RNF115: variants seen among roughly 807,000 people sequenced by gnomAD.
The protein encoded by RNF115 is ring finger protein 115, also known as E3 ubiquitin-protein ligase RNF115.
In RNF115, 31 loss-of-function variants were observed where a neutral mutation model predicts 39.2. That is an observed-to-expected ratio of 0.79 (90% CI 0.59 to 1.07). The LOEUF (loss-of-function observed/expected upper bound fraction) is 1.07, where lower values mean the gene tolerates loss of function less well. Ranked by LOEUF, RNF115 falls within the 50% of genes least tolerant of loss-of-function variation. The probability of loss-of-function intolerance (pLI) is 0.00; values close to 1 mark genes in which losing one functional copy is unlikely to be tolerated. For missense variants in RNF115, 384 were observed against 381.7 expected (o/e 1.01, Z -0.05); for synonymous variants, 124 against 131.0 (o/e 0.95, Z 0.37).
chr1:145,800,965 T>C (rs587775395), intron 1 of RNF115, among the ~76,000 whole-genome samples: 3 of 152,070 alleles, frequency 2.0e-5, no homozygotes, highest in South Asian at 2.1e-4. Context: ...AGTCAGGAGA[T>C]CGAGACCATC....
intron 4 of RNF115, among the ~76,000 whole-genome samples, chr1:145,770,598 G>A (rs587605001): frequency 2.6e-5 from 4 of 152,046 alleles, no homozygotes; most frequent in East Asian, 1.9e-4. Context: ...AGACAATGTC[G>A]CACTAGATTC....
chr1:145,769,596 T>C (rs1647542389), intron 4 of RNF115, among the ~76,000 whole-genome samples: 1 of 152,096 alleles, frequency 6.6e-6, no homozygotes, highest in Admixed American at 6.5e-5. Context: ...TACAGGTAAC[T>C]TGCATTAAAC....
intron 2 of RNF115, among the ~76,000 whole-genome samples, chr1:145,786,498 G>A (rs1166209667): frequency 2.0e-5 from 3 of 152,064 alleles, no homozygotes; most frequent in Admixed American, 2.0e-4. Context: ...GCTACCAATA[G>A]CACCTATATA....
rs1373525392 is a variant in RNF115, at chr1:145,744,829, G to A, written c.*2037C>T. On this transcript the variant is annotated 3_prime_UTR_variant, in exon 9 of 9. Coordinates refer to ENST00000582693, the MANE Select transcript of RNF115 (RefSeq NM_014455.4). ...CCCCATCATTTCCTTTTGAGACCTT[G>A]AAGTTTCAACAACATTCTTGACCTT... 3 of 152,048 alleles carry A rather than the reference G, an allele frequency of 2.0e-5. No homozygotes were observed. Among genetic ancestry groups the A allele is most frequent in the Non-Finnish European group, 4.4e-5 (3 of 68,018 alleles). The allele number at this position is 152,048 out of a possible 1,614,324, so 9.4% of individuals were successfully genotyped here.
chr1:145,785,089 A>G (rs1648320084), intron 2 of RNF115, among the ~76,000 whole-genome samples: 1 of 152,058 alleles, frequency 6.6e-6, no homozygotes, highest in African/African-American at 2.4e-5. Flanking sequence ...TTCTCCCCCT[A>G]CCCACCTTTC....
intron 4 of RNF115, among the ~76,000 whole-genome samples, chr1:145,765,551 A>G (rs1231016690): frequency 1.3e-5 from 2 of 152,226 alleles, no homozygotes; most frequent in Non-Finnish European, 2.9e-5. Flanking sequence ...CTAAACAACC[A>G]TCTGATTGCT....
At chr1:145,769,653 A>G (rs1346041413) in intron 4 of RNF115, among the ~76,000 whole-genome samples, 2 of 152,058 alleles carry the variant, frequency 1.3e-5, no homozygotes, top group African/African-American at 2.4e-5. Flanking sequence ...ATTTCCAAGC[A>G]TAAGAATACA....
rs35347418 is a variant in RNF115, at chr1:145,739,579, ATTTTT to A, written c.*7282_*7286del. On this transcript the variant is annotated 3_prime_UTR_variant, in exon 9 of 9. Transcript: ENST00000582693. Reference sequence around the variant, plus strand: ...CAGCTATTTGTCATTGGGCAAATGAATTTTTTTTTTTTTTTTTTGAGACGGAGTCT... The same window carrying A: ...CAGCTATTTGTCATTGGGCAAATGAATTTTTTTTTTTTTGAGACGGAGTCT... 2 of 137,466 alleles carry A rather than the reference ATTTTT, an allele frequency of 1.5e-5. No individual in the cohort carries two copies. Among genetic ancestry groups the A allele is most frequent in the Non-Finnish European group, 1.6e-5 (1 of 64,426 alleles). The allele number at this position is 137,466 out of a possible 1,614,324, so 8.5% of individuals were successfully genotyped here. A position where few individuals can be genotyped will look rare whatever the true frequency, so the allele number is the denominator to read the frequency against.
intron 3 of RNF115, among the ~76,000 whole-genome samples, chr1:145,779,723 C>T (rs996100092): frequency 2.0e-5 from 3 of 151,932 alleles, no homozygotes; most frequent in Admixed American, 2.0e-4. Flanking sequence ...AGTGCAGTGG[C>T]ACAATCTCAG....
intron 1 of RNF115, among the ~76,000 whole-genome samples, chr1:145,812,338 C>T (rs1203502639): frequency 1.3e-5 from 2 of 149,822 alleles, no homozygotes; most frequent in Admixed American, 6.6e-5. Flanking sequence ...ATTAATCTGT[C>T]TTAACAGATT....
chr1:145,767,110 G>C (rs1338160402), intron 4 of RNF115, among the ~76,000 whole-genome samples: 14 of 151,118 alleles, frequency 9.3e-5, no homozygotes, highest in African/African-American at 3.2e-4. Context: ...CGGCTGGCCC[G>C]GCAGAGGGGC....
At chr1:145,764,512 C>T (rs1658671287) in intron 4 of RNF115, among the ~76,000 whole-genome samples, 1 of 148,004 alleles carries the variant, frequency 6.8e-6, no homozygotes, top group African/African-American at 2.5e-5. Flanking sequence ...GGTGAGGAGC[C>T]CCTCCGCCCG....
chr1:145,800,148 C>T (rs1649163950), intron 1 of RNF115, among the ~76,000 whole-genome samples: 1 of 152,084 alleles, frequency 6.6e-6, no homozygotes. Context: ...AACAGTTAAC[C>T]AAACCATATA....
chr1:145,781,081 C>T (rs1199761587), intron 3 of RNF115, among the ~76,000 whole-genome samples: 1 of 152,140 alleles, frequency 6.6e-6, no homozygotes, highest in Admixed American at 6.5e-5. Flanking sequence ...AAACACTGCT[C>T]CCATGTAACT....
At chr1:145,799,168 A>G (rs1387284289) in intron 1 of RNF115, among the ~76,000 whole-genome samples, 1 of 151,824 alleles carries the variant, frequency 6.6e-6, no homozygotes, top group African/African-American at 2.4e-5. Flanking sequence ...CCTGGGTTCA[A>G]GCAAATCTCC....
In RNF115 at chr1:145,788,611, C is replaced by A. The variant is rs1553718442; in HGVS notation, c.161+297G>T. On this transcript the variant is annotated intron_variant, in intron 2 of 8. Coordinates refer to ENST00000582693, the MANE Select transcript of RNF115 (RefSeq NM_014455.4). ...GTCTCAGATAATAAATGAAAACTTA[C>A]CAGATTTACTCTGACATGCGTACAG... is the stretch of plus-strand genomic sequence containing the variant. 2.6e-5 allele frequency among the ~76,000 whole-genome samples: 4 copies of A among 152,202 alleles called. No homozygotes were observed. The South Asian group carries it at 6.2e-4, about 24-fold the overall frequency.
At chr1:145,778,103 GAATA>G (rs1419724264) in intron 3 of RNF115, among the ~76,000 whole-genome samples, 7 of 152,102 alleles carry the variant, frequency 4.6e-5, no homozygotes, top group South Asian at 2.1e-4. Flanking sequence ...ATCAACTGAT[GAATA>G]AATAAAATGT....
chr1:145,769,758 C>A (rs1647548472), intron 4 of RNF115, among the ~76,000 whole-genome samples: 1 of 60,832 alleles, frequency 1.6e-5, no homozygotes, highest in Admixed American at 2.2e-4. Flanking sequence ...TGTAAAAATC[C>A]TTAAAAAAAA....
At position 145,744,076 on chromosome 1, in the gene RNF115, C is replaced by T. The variant is rs1415918211; in HGVS notation, c.*2790G>A. 1 of 152,402 alleles carries T rather than the reference C, an allele frequency of 6.6e-6. No homozygotes were observed. The highest frequency in any genetic ancestry group is 2.4e-5 in the African/African-American group (1 of 41,472). 9.4% of individuals were successfully genotyped at this position (152,402 alleles called of 1,614,324 possible). ...ACCCCTATCCAGTACTTTGTTTCCA[C>T]CCTTTTTAAAGGTACTCAGATCCTT... On this transcript the variant is annotated 3_prime_UTR_variant, in exon 9 of 9. Transcript: ENST00000582693.
Sources: allele counts gnomAD v4.1 joint callset (sites outside exome capture counted in the v4.1 genomes callset), GRCh38; gene constraint gnomAD v4.1.1; transcripts MANE v1.5; gene names NCBI Gene and HGNC (gene_info 2026-07-23, HGNC 2026-07-21).